VWF: variants seen among roughly 807,000 people sequenced by gnomAD.
The protein encoded by VWF is Factor VIII related antigen.
In VWF, 176 loss-of-function variants were observed where a neutral mutation model predicts 308.6. The observed-to-expected ratio is 0.57, with a 90% CI of 0.50 to 0.65. The LOEUF is 0.65. Among genes scored for constraint, VWF ranks in the 30% least tolerant of loss-of-function variants. The probability of loss-of-function intolerance (pLI) is 0.00; values close to 1 mark genes in which losing one functional copy is unlikely to be tolerated. For missense variants in VWF, 3,146 were observed against 3,648.2 expected (o/e 0.86, Z 3.55); for synonymous variants, 1,385 against 1,443.4 (o/e 0.96, Z 0.92).
At chr12:5,992,619 C>T (rs1565822260) in intron 37 of VWF, among the ~76,000 whole-genome samples, 2 of 152,166 alleles carry the variant, frequency 1.3e-5, no homozygotes. Flanking sequence ...TTTTTGAATA[C>T]ATATGTCTTT....
Position 5,952,452 on chromosome 12 carries a change from A to C in VWF, c.8054T>G (p.Phe2685Cys). Residue 2685 changes from phenylalanine to cysteine, a missense_variant, in exon 49 of 52, where the codon TTC becomes TGC. Physicochemically the swap from Phe to Cys is radical, Grantham distance 205. This residue lies in a region of VWF where 989 missense variants were observed against 1,117.4 expected (regional missense o/e 0.89). Transcript: ENST00000261405. ...FCKVNERGEYFWEKRVTGCPP... is the reference protein window; with the variant it reads ...FCKVNERGEYCWEKRVTGCPP... ...GCAGCCTGTGACCCTCTTCTCCCAG[A>C]AGTACTCTCCTCTCTCATTGACCTT... 1.2e-6 allele frequency: 2 copies of C among 1,614,168 alleles called. No individual in the cohort carries two copies. The highest frequency in any genetic ancestry group is 1.7e-6 in the Non-Finnish European group (2 of 1,180,008).
At chr12:5,972,350 T>G (rs1943486049) in intron 43 of VWF, among the ~76,000 whole-genome samples, 1 of 152,206 alleles carries the variant, frequency 6.6e-6, no homozygotes, top group Non-Finnish European at 1.5e-5. Flanking sequence ...CCAATCTGGC[T>G]AAAGCATCAT....
rs1944643403 is a variant in VWF, at chr12:6,060,528, C to G, written c.1533+2426G>C. On this transcript the variant is annotated intron_variant, in intron 13 of 51. Coordinates refer to ENST00000261405, the MANE Select transcript of VWF (RefSeq NM_000552.5). The surrounding 1 kb of genome is among the most constrained non-coding windows in gnomAD (Gnocchi z 5.1). ...CTGCCCCAACTCAAACACCCCCTTT[C>G]CTGCTTCATAATAAAACCCACAAGA... is the stretch of plus-strand genomic sequence containing the variant. Among the ~76,000 whole-genome samples, 1 of 152,296 alleles carries G rather than the reference C, an allele frequency of 6.6e-6. No individual in the cohort carries two copies. The highest frequency in any genetic ancestry group is 2.1e-4 in the South Asian group (1 of 4,824).
chr12:6,060,141 T>C lies in VWF; in HGVS notation c.1534-2097A>G, dbSNP rs979785636. Reference sequence around the variant, plus strand: ...ACTTAGAGACTCTCTTAGTGTCACTTAGCGACACTCACTATTTGAAATAAA... The same window carrying C: ...ACTTAGAGACTCTCTTAGTGTCACTCAGCGACACTCACTATTTGAAATAAA... On this transcript the variant is annotated intron_variant, in intron 13 of 51. Coordinates refer to ENST00000261405, the MANE Select transcript of VWF (RefSeq NM_000552.5). This position sits in a 1 kb window ranked among gnomAD's most constrained non-coding sequence, Gnocchi z 5.1. Among the ~76,000 whole-genome samples, 2 of 152,074 alleles carry C rather than the reference T, an allele frequency of 1.3e-5. No homozygotes were observed. Among genetic ancestry groups the C allele is most frequent in the African/African-American group, 4.8e-5 (2 of 41,412 alleles).
At chr12:6,109,553 A>C (rs1389166562) in intron 5 of VWF, among the ~76,000 whole-genome samples, 7 of 152,236 alleles carry the variant, frequency 4.6e-5, no homozygotes, top group Non-Finnish European at 1.0e-4. Flanking sequence ...CATAAGGAAG[A>C]AAGATAACAT....
At chr12:5,963,990 G>A (rs11063959) in intron 47 of VWF, among the ~76,000 whole-genome samples, 87,754 of 151,532 alleles carry the variant, frequency 0.58, 27,004 homozygotes, top group African/African-American at 0.79. Context: ...GGCAGATCAC[G>A]AGGTCAGGAG....
chr12:5,999,471 TACACACACACAC>T (rs3062521), intron 34 of VWF, among the ~76,000 whole-genome samples: 1 of 143,558 alleles, frequency 7.0e-6, no homozygotes, highest in Non-Finnish European at 1.5e-5. Flanking sequence ...TGTACACACA[TACACACACACAC>T]ACACACACAC....
intron 10 of VWF, among the ~76,000 whole-genome samples, chr12:6,066,202 C>T (rs1170830807): frequency 6.6e-6 from 1 of 152,180 alleles, no homozygotes; most frequent in Non-Finnish European, 1.5e-5. Context: ...GATCACACAT[C>T]CTGGAAGGTG....
chr12:6,053,522 C>G (rs1944542771), intron 15 of VWF, among the ~76,000 whole-genome samples: 1 of 152,198 alleles, frequency 6.6e-6, no homozygotes, highest in African/African-American at 2.4e-5. Flanking sequence ...GGGCTGCACC[C>G]ATCTGCCCAC....
chr12:6,063,024 G>C lies in VWF; in HGVS notation c.1463C>G (p.Ala488Gly), dbSNP rs144817575. ...CTCCCCGTAGCTGAGGCGCACGGAG[G>C]CCGTCACTGTATGCTGGATGCGGAG... ...GDLRIQHTVT[A>G]SVRLSYGEDL... The change falls in exon 13 of 52, where the codon GCC becomes GGC. Residue 488 changes from alanine to glycine, a missense_variant. Physicochemically the swap from Ala to Gly is moderately conservative, Grantham distance 60. Coordinates refer to ENST00000261405, the MANE Select transcript of VWF (RefSeq NM_000552.5). The surrounding 1 kb of genome is among the most constrained non-coding windows in gnomAD (Gnocchi z 4.9). 254 of 1,613,700 alleles carry C rather than the reference G, an allele frequency of 1.6e-4. 1 individual carries two copies. The African/African-American group carries it at 3.2e-3, about 20-fold the overall frequency.
intron 6 of VWF, among the ~76,000 whole-genome samples, chr12:6,076,309 A>C (rs1250496268): frequency 6.6e-6 from 1 of 152,208 alleles, no homozygotes; most frequent in Non-Finnish European, 1.5e-5. Context: ...TTTACCTAGA[A>C]ACATCTCTCC....
intron 34 of VWF, among the ~76,000 whole-genome samples, chr12:6,003,145 A>G (rs1591853450): frequency 6.6e-6 from 1 of 152,268 alleles, no homozygotes; most frequent in South Asian, 2.1e-4. Context: ...GGAAATTTCA[A>G]TAAAGAAATT....
chr12:5,952,328 A>C, intron 49 of VWF, 63 bp downstream of exon 49: 2 of 1,608,938 alleles, frequency 1.2e-6, no homozygotes, highest in East Asian at 4.5e-5. Context: ...GATGCACACT[A>C]TTCAGAAGAA....
intron 22 of VWF, 62 bp from the exon 23 acceptor site, chr12:6,026,108 G>A (rs1944188987): frequency 2.5e-6 from 4 of 1,611,200 alleles, no homozygotes; most frequent in Non-Finnish European, 3.4e-6. Flanking sequence ...CCGGCTCAGG[G>A]GAAAGGGGAA....
Position 5,967,489 on chromosome 12 carries a change from G to A in VWF, c.7884C>T (p.Pro2628=). 1.2e-6 allele frequency: 2 copies of A among 1,614,066 alleles called. No individual in the cohort carries two copies. Among genetic ancestry groups the A allele is most frequent in the Non-Finnish European group, 1.7e-6 (2 of 1,179,986 alleles). ...ECRKTTCNPC[P]LGYKEENNTG... ...GTCCCCATTGAGCCTCTCTTACCAG[G>A]GGGCAGGGGTTGCAGGTGGTCTTCC... is the stretch of plus-strand genomic sequence containing the variant. Residue 2628 remains proline, a synonymous_variant, in exon 47 of 52, where the codon CCC becomes CCT. Coordinates refer to ENST00000261405, the MANE Select transcript of VWF (RefSeq NM_000552.5).
chr12:6,063,111 A>C lies in VWF; in HGVS notation c.1433-57T>G. On this transcript the variant is annotated intron_variant, in intron 12 of 51. Coordinates refer to ENST00000261405, the MANE Select transcript of VWF (RefSeq NM_000552.5). This position sits in a 1 kb window ranked among gnomAD's most constrained non-coding sequence, Gnocchi z 4.9. ...GGTGGGGAGAGGACAGGGTGGTGGC[A>C]GGCAGATGTATTTGGGAGGAAATGG... The C allele has an allele frequency of 6.9e-7, 1 of 1,440,734 alleles. No homozygotes were observed. Among genetic ancestry groups the C allele is most frequent in the South Asian group, 1.2e-5 (1 of 86,012 alleles). The allele number at this position is 1,440,734 out of a possible 1,614,324, so 89.2% of individuals were successfully genotyped here. A position where few individuals can be genotyped will look rare whatever the true frequency, so the allele number is the denominator to read the frequency against.
chr12:6,008,894 G>T (rs933541388), intron 34 of VWF, among the ~76,000 whole-genome samples: 8 of 152,206 alleles, frequency 5.3e-5, no homozygotes, highest in Middle Eastern at 3.4e-3. Flanking sequence ...ACATGAAAAA[G>T]AATGAAATTG....
At chr12:5,963,354 T>C (rs1165234869) in intron 47 of VWF, among the ~76,000 whole-genome samples, 1 of 152,200 alleles carries the variant, frequency 6.6e-6, no homozygotes, top group Non-Finnish European at 1.5e-5. Context: ...CCAATAAGTA[T>C]GTAAGATGCT....
chr12:6,050,625 C>T (rs1218028320), intron 16 of VWF, among the ~76,000 whole-genome samples: 2 of 152,176 alleles, frequency 1.3e-5, no homozygotes, highest in Non-Finnish European at 2.9e-5. Flanking sequence ...TTGTGGAGTA[C>T]ACCTTGTGCG....
Sources: allele counts gnomAD v4.1 joint callset (sites outside exome capture counted in the v4.1 genomes callset), GRCh38; gene constraint gnomAD v4.1.1; regional missense constraint gnomAD v4.1.1; non-coding constraint Gnocchi (gnomAD v3.1); transcripts MANE v1.5; gene names NCBI Gene and HGNC (gene_info 2026-07-23, HGNC 2026-07-21).